PYY: variants seen among roughly 807,000 people sequenced by gnomAD.
PYY encodes peptide YY, also known as peptide tyrosine tyrosine.
Under a neutral mutation model 10.3 loss-of-function variants are expected in PYY, and 12 were observed. The ratio of observed to expected loss-of-function variants is 1.17; its 90% CI spans 0.75 to 1.89. The LOEUF (loss-of-function observed/expected upper bound fraction) is 1.89. Among genes scored for constraint, PYY ranks in the 40% most tolerant of loss-of-function variants. The pLI is 0.00. For missense variants in PYY, 141 were observed against 134.0 expected, an observed-to-expected ratio of 1.05 and a Z score of -0.26; for synonymous variants, 66 against 62.0, an observed-to-expected ratio of 1.06 and a Z score of -0.30.
chr17:43,969,920 T>C (rs1352472430), intron 1 of PYY, among the ~76,000 whole-genome samples: 2 of 151,728 alleles, frequency 1.3e-5, no homozygotes, highest in Non-Finnish European at 2.9e-5. Flanking sequence ...TTTTTTGTAT[T>C]TTTAGTAGAG....
chr17:43,974,186 C>T (rs1173162319), intron 1 of PYY, among the ~76,000 whole-genome samples: 1 of 151,964 alleles, frequency 6.6e-6, no homozygotes, highest in Non-Finnish European at 1.5e-5. Context: ...GTTGTTTACC[C>T]TTAAAGGTAT....
intron 2 of PYY, among the ~76,000 whole-genome samples, chr17:43,962,619 C>T (rs899297511): frequency 4.6e-5 from 7 of 152,200 alleles, no homozygotes; most frequent in Admixed American, 6.5e-5. Flanking sequence ...GCCTGCATCA[C>T]GTTGGAAGTG....
At chr17:43,990,842 T>C (rs2143954610) in intron 1 of PYY, among the ~76,000 whole-genome samples, 1 of 149,132 alleles carries the variant, frequency 6.7e-6, no homozygotes, top group East Asian at 2.1e-4. Flanking sequence ...TCACCCAGGC[T>C]GGATGCAATG....
intron 1 of PYY, among the ~76,000 whole-genome samples, chr17:44,003,837 T>A (rs961855833): frequency 1.3e-5 from 2 of 150,900 alleles, no homozygotes; most frequent in East Asian, 2.0e-4. Flanking sequence ...AATTTTTTTT[T>A]AAATCAGCTG....
At chr17:43,957,527 G>A (rs1436252175), upstream of PYY, among the ~76,000 whole-genome samples, 1 of 151,950 alleles carries the variant, frequency 6.6e-6, no homozygotes, top group Admixed American at 6.6e-5. Context: ...GCGCAGTGGC[G>A]GGCGCCTGTA....
chr17:43,969,044 G>A (rs149842751), intron 1 of PYY, among the ~76,000 whole-genome samples: 1 of 152,224 alleles, frequency 6.6e-6, no homozygotes, highest in African/African-American at 2.4e-5. Context: ...GGAGGCAGAG[G>A]CTGCAGTGAG....
intron 1 of PYY, among the ~76,000 whole-genome samples, chr17:43,985,943 G>T (rs185270048): frequency 1.3e-4 from 20 of 152,298 alleles, no homozygotes; most frequent in Non-Finnish European, 2.9e-4. Flanking sequence ...AGGAAGAAAA[G>T]TCTGTAGAGG....
chr17:44,003,912 C>T (rs2049050495), intron 1 of PYY, among the ~76,000 whole-genome samples: 1 of 151,916 alleles, frequency 6.6e-6, no homozygotes, highest in South Asian at 2.1e-4. Context: ...ATCATTTGAA[C>T]CTGGGAGGTG....
intron 1 of PYY, among the ~76,000 whole-genome samples, chr17:43,973,138 A>G (rs1340704745): frequency 6.6e-6 from 1 of 152,156 alleles, no homozygotes; most frequent in Non-Finnish European, 1.5e-5. Context: ...GCACTCTGCC[A>G]AAAAAGTCAT....
chr17:43,973,781 C>T (rs949464484), intron 1 of PYY, among the ~76,000 whole-genome samples: 2 of 152,168 alleles, frequency 1.3e-5, no homozygotes, highest in African/African-American at 4.8e-5. Flanking sequence ...GGTGACAAAG[C>T]ACGACTCCGT....
At chr17:43,973,789 C>T (rs1259710205) in intron 1 of PYY, among the ~76,000 whole-genome samples, 14 of 152,054 alleles carry the variant, frequency 9.2e-5, no homozygotes, top group African/African-American at 3.4e-4. Flanking sequence ...AGCACGACTC[C>T]GTCTCAAAAA....
intron 1 of PYY, among the ~76,000 whole-genome samples, chr17:43,975,082 G>T (rs2143925512): frequency 6.6e-6 from 1 of 152,276 alleles, no homozygotes; most frequent in South Asian, 2.1e-4. Flanking sequence ...TCTGCAGGAT[G>T]TCAGGAGAGA....
chr17:43,998,188 T>C (rs1416271093), intron 1 of PYY, among the ~76,000 whole-genome samples: 1 of 151,796 alleles, frequency 6.6e-6, no homozygotes, highest in Non-Finnish European at 1.5e-5. Context: ...ATCTGCCCAC[T>C]TTGGCCTCCC....
intron 1 of PYY, among the ~76,000 whole-genome samples, chr17:43,984,103 G>C (rs894662796): frequency 2.6e-5 from 4 of 152,226 alleles, no homozygotes; most frequent in Non-Finnish European, 5.9e-5. Context: ...GAAACCGAGG[G>C]GGCGGCGGGG....
chr17:43,957,196 C>CAA (rs60997602), upstream of PYY, among the ~76,000 whole-genome samples: 6 of 66,572 alleles, frequency 9.0e-5, no homozygotes, highest in Admixed American at 1.8e-4. Flanking sequence ...AAACTGTCTC[C>CAA]AAAAAAAAAA....
intron 1 of PYY, among the ~76,000 whole-genome samples, chr17:43,971,887 T>C (rs1302476892): frequency 1.3e-5 from 2 of 152,070 alleles, no homozygotes; most frequent in Non-Finnish European, 2.9e-5. Context: ...AATTGTTCTC[T>C]TTTGTGACTC....
In PYY at chr17:43,989,893, TATATATAC is replaced by T. The variant is rs1401197549; in HGVS notation, c.-463+14490_-463+14497del. Among the ~76,000 whole-genome samples, 3 of 48,306 alleles carry T rather than the reference TATATATAC, an allele frequency of 6.2e-5. 1 individual carries two copies. The highest frequency in any genetic ancestry group is 8.3e-5 in the African/African-American group (1 of 12,098). 31.7% of individuals were successfully genotyped at this position (48,306 alleles called of 152,430 possible). ...ATATATATATATATATATATATATATATATATACACACAAATCTATAAGTAAGACATTA... is the reference window on the plus strand; with the variant it reads ...ATATATATATATATATATATATATATACACAAATCTATAAGTAAGACATTA... On this transcript the variant is annotated intron_variant, in intron 1 of 6. Coordinates refer to the PYY transcript ENST00000360085.
In PYY at chr17:43,974,235, C is replaced by CATA. The variant is rs2048814636; in HGVS notation, c.-462-7706_-462-7704dup. Among the ~76,000 whole-genome samples, 2 of 152,064 alleles carry CATA rather than the reference C, an allele frequency of 1.3e-5. 1 individual carries two copies. The highest frequency in any genetic ancestry group is 6.8e-3 in the Middle Eastern group (2 of 294). On this transcript the variant is annotated intron_variant, in intron 1 of 6. Coordinates refer to the PYY transcript ENST00000360085. ...TTTCTTCCCTCGCGCATTTCCCGCA[C>CATA]ATAACATTTGTGTCCCCGGATGCTA...
At chr17:43,965,502 A>G (rs2048748329) in intron 2 of PYY, among the ~76,000 whole-genome samples, 1 of 146,850 alleles carries the variant, frequency 6.8e-6, no homozygotes, top group South Asian at 2.2e-4. Flanking sequence ...AAAATTGTAT[A>G]TATTTGGCCA....
Sources: gnomAD v4.1 joint callset for allele counts (sites outside exome capture counted in the v4.1 genomes callset) on GRCh38, gnomAD v4.1.1 for gene constraint, MANE v1.5 for transcripts, NCBI Gene and HGNC (gene_info 2026-07-23, HGNC 2026-07-21) for gene names.